The following EDARADD variants were observed in gnomAD, a reference collection of about 807,000 sequenced individuals.
EDARADD encodes the protein ectodysplasin-A receptor-associated adapter protein.
EDARADD carries 20 observed loss-of-function variants against 25.6 expected under a neutral mutation model. The ratio of observed to expected loss-of-function variants is 0.78; its 90% CI spans 0.55 to 1.14. EDARADD has a LOEUF of 1.14. EDARADD is among the 50% of genes most tolerant of loss of function. The pLI is 0.00. For synonymous variants in EDARADD, 86 were observed against 94.4 expected, an observed-to-expected ratio of 0.91 and a Z score of 0.52; for missense variants, 225 against 270.1, an observed-to-expected ratio of 0.83 and a Z score of 1.17.
At chr1:236,422,928 A>T (rs1350605690) in intron 3 of EDARADD, among the ~76,000 whole-genome samples, 1 of 152,346 alleles carries the variant, frequency 6.6e-6, no homozygotes, top group East Asian at 1.9e-4. Flanking sequence ...CTAGTGTTTA[A>T]TGACAGCCTC....
intron 3 of EDARADD, among the ~76,000 whole-genome samples, chr1:236,361,635 T>TTATATATATATATATATATATATA (rs146661697): frequency 7.5e-4 from 100 of 134,180 alleles, no homozygotes; most frequent in East Asian, 2.8e-3. Flanking sequence ...CAGCCAAATT[T>TTATATATATATATATATATATATA]TATATATATA....
chr1:236,462,747 C>A (rs1330990990), intron 4 of EDARADD, among the ~76,000 whole-genome samples: 2 of 152,224 alleles, frequency 1.3e-5, no homozygotes, highest in African/African-American at 4.8e-5. Flanking sequence ...TCAAAGAATT[C>A]TTGGCAGCAG....
In EDARADD at chr1:236,482,398, C is replaced by T; in HGVS notation, c.397C>T (p.His133Tyr). The T allele has an allele frequency of 6.2e-7, 1 of 1,614,202 alleles. No homozygotes were observed. The highest frequency in any genetic ancestry group is 8.5e-7 in the Non-Finnish European group (1 of 1,180,044). ...GATCAGGATAAAGCTGGATCCGTGT[C>T]ACCCAACGGTGAAAAACTGGAGGAA... ...DVIRIKLDPC[H>Y]PTVKNWRNFA... is the part of the protein sequence containing the mutation. Residue 133 changes from histidine to tyrosine, a missense_variant, in exon 6 of 6, where the codon CAC (histidine) becomes TAC (tyrosine). Physicochemically the swap from His to Tyr is moderately conservative, Grantham distance 83 (BLOSUM62 2). Transcript: ENST00000334232.
intron 4 of EDARADD, among the ~76,000 whole-genome samples, chr1:236,460,371 T>C (rs1026222322): frequency 2.0e-5 from 3 of 151,742 alleles, no homozygotes; most frequent in Non-Finnish European, 2.9e-5. Flanking sequence ...TTTGTAGAGA[T>C]TGGGGGATCT....
Position 236,363,033 on chromosome 1 carries a change from A to AT in EDARADD, c.-6+12194_-6+12195insT, listed in dbSNP as rs1558100919. Among the ~76,000 whole-genome samples the AT allele has an allele frequency of 9.0e-4, 106 of 117,552 alleles. 1 individual carries two copies. The highest frequency in any genetic ancestry group is 3.6e-3 in the South Asian group (12 of 3,304). The allele number at this position is 117,552 out of a possible 152,430, so 77.1% of individuals were successfully genotyped here. On this transcript the variant is annotated intron_variant, in intron 3 of 7. Coordinates refer to the EDARADD transcript ENST00000439430. ...TATATATATATATATATATATATAT[A>AT]AAATTTGTGTACAGACAGAGTCTTG...
intron 3 of EDARADD, among the ~76,000 whole-genome samples, chr1:236,426,219 C>T (rs1657915663): frequency 6.6e-6 from 1 of 152,130 alleles, no homozygotes; most frequent in South Asian, 2.1e-4. Flanking sequence ...CTCAAGTGCT[C>T]CTCCTGCCTC....
At chr1:236,409,137 G>A in intron 1 of EDARADD, 79 bp from the exon 2 acceptor site, 2 of 982,126 alleles carry the variant, frequency 2.0e-6, no homozygotes, top group Non-Finnish European at 3.2e-6. Context: ...TCTGTATAGA[G>A]ACAGTTATCA....
intron 1 of EDARADD, among the ~76,000 whole-genome samples, chr1:236,404,137 C>CA (rs1553265362): frequency 6.6e-6 from 1 of 152,208 alleles, no homozygotes; most frequent in African/African-American, 2.4e-5. Flanking sequence ...TGCTCCTCTG[C>CA]CCGTCCTATT....
chr1:236,410,794 T>C (rs1043578884), intron 2 of EDARADD, among the ~76,000 whole-genome samples: 5 of 152,228 alleles, frequency 3.3e-5, no homozygotes, highest in African/African-American at 1.2e-4. Context: ...CTTAGGTGTC[T>C]TGCGGACCTG....
intron 5 of EDARADD, among the ~76,000 whole-genome samples, chr1:236,474,870 C>T (rs897690617): frequency 2.6e-5 from 4 of 152,178 alleles, no homozygotes; most frequent in South Asian, 4.1e-4. Flanking sequence ...TGATAGCTCA[C>T]GCCTGTAGTC....
upstream of EDARADD, among the ~76,000 whole-genome samples, chr1:236,390,817 T>C (rs1160378184): frequency 6.6e-6 from 1 of 152,154 alleles, no homozygotes; most frequent in Non-Finnish European, 1.5e-5. Flanking sequence ...GGCTTCCTGT[T>C]GTCTAAAAAC....
At chr1:236,368,440 C>CTTTTTTTTT (rs59201705) in intron 3 of EDARADD, among the ~76,000 whole-genome samples, 4 of 124,170 alleles carry the variant, frequency 3.2e-5, no homozygotes, top group Admixed American at 8.8e-5. Flanking sequence ...CCAGTCTTTT[C>CTTTTTTTTT]TTTTTTTTTT....
chr1:236,417,821 G>A (rs1489870167), intron 3 of EDARADD, among the ~76,000 whole-genome samples: 2 of 151,920 alleles, frequency 1.3e-5, no homozygotes, highest in East Asian at 1.9e-4. Flanking sequence ...TTAAATACAC[G>A]AATCTAACAA....
intron 4 of EDARADD, among the ~76,000 whole-genome samples, chr1:236,456,064 T>C (rs549155766): frequency 5.6e-4 from 85 of 152,232 alleles, no homozygotes; most frequent in Non-Finnish European, 8.8e-4. Context: ...ACAGGGATTA[T>C]AGGCGTGAGC....
At chr1:236,440,045 T>A (rs1334107117) in intron 4 of EDARADD, among the ~76,000 whole-genome samples, 1 of 152,218 alleles carries the variant, frequency 6.6e-6, no homozygotes, top group Non-Finnish European at 1.5e-5. Flanking sequence ...GTTTAAATTT[T>A]GTGAGAGCTT....
chr1:236,378,170 G>T (rs563791202), intron 3 of EDARADD, among the ~76,000 whole-genome samples: 1 of 152,214 alleles, frequency 6.6e-6, no homozygotes, highest in Admixed American at 6.5e-5. Context: ...CTTCCTCCAG[G>T]CCAGTTAATT....
intron 4 of EDARADD, among the ~76,000 whole-genome samples, chr1:236,460,357 AT>A (rs1346086751): frequency 6.6e-6 from 1 of 151,314 alleles, no homozygotes; most frequent in African/African-American, 2.4e-5. Flanking sequence ...ATTTTTGTAT[AT>A]TTTTTGTAGA....
chr1:236,358,889 A>ACTTG (rs1357911636), intron 3 of EDARADD, among the ~76,000 whole-genome samples: 1 of 152,206 alleles, frequency 6.6e-6, no homozygotes, highest in Admixed American at 6.6e-5. Context: ...TATCAGGTCC[A>ACTTG]CTTGATCCAG....
chr1:236,360,561 T>C (rs1667034941), intron 3 of EDARADD, among the ~76,000 whole-genome samples: 1 of 116,038 alleles, frequency 8.6e-6, no homozygotes, highest in Non-Finnish European at 1.8e-5. Context: ...TTTTTTTTTT[T>C]TTGAGACAGA....
Sources: gnomAD v4.1 joint callset for allele counts (sites outside exome capture counted in the v4.1 genomes callset) on GRCh38, gnomAD v4.1.1 for gene constraint, MANE v1.5 for transcripts, NCBI Gene and HGNC (gene_info 2026-07-23, HGNC 2026-07-21) for gene names.